PDE4D: variants seen among roughly 807,000 people sequenced by gnomAD.
PDE4D encodes the protein 3',5'-cyclic-AMP phosphodiesterase 4D.
PDE4D carries 24 observed loss-of-function variants against 87.4 expected under a neutral mutation model. The observed-to-expected ratio is 0.27, with a 90% CI of 0.20 to 0.39. PDE4D has a LOEUF of 0.39. Ranked by LOEUF, PDE4D falls within the 10% of genes least tolerant of loss-of-function variation. The pLI, the probability that PDE4D is intolerant of heterozygous loss-of-function variation, is 1.00. For missense variants in PDE4D, 714 were observed against 1,041.0 expected, an observed-to-expected ratio of 0.69 and a Z score of 4.32; for synonymous variants, 384 against 383.2, an observed-to-expected ratio of 1.00 and a Z score of -0.02.
intron 1 of PDE4D, among the ~76,000 whole-genome samples, chr5:59,404,250 T>G (rs976583083): frequency 2.0e-5 from 3 of 152,216 alleles, no homozygotes; most frequent in African/African-American, 7.2e-5. Flanking sequence ...ATTCTGTGGG[T>G]TGTCTCCTCA....
At chr5:60,392,784 A>T (rs1220315556) in intron 1 of PDE4D, among the ~76,000 whole-genome samples, 2 of 152,196 alleles carry the variant, frequency 1.3e-5, no homozygotes, top group Non-Finnish European at 2.9e-5. Context: ...TTAAAAAAAA[A>T]TTTAAGCAAA....
At chr5:60,072,526 A>AT (rs913955945) in intron 2 of PDE4D, among the ~76,000 whole-genome samples, 20 of 151,710 alleles carry the variant, frequency 1.3e-4, no homozygotes, top group Admixed American at 6.6e-5. Context: ...CCCATTTATC[A>AT]TTTTTTTGCT....
intron 8 of PDE4D, among the ~76,000 whole-genome samples, chr5:58,991,307 C>G (rs1351518871): frequency 6.6e-6 from 1 of 151,944 alleles, no homozygotes; most frequent in Non-Finnish European, 1.5e-5. Context: ...CAAAACAAAA[C>G]AAAACAAAAC....
chr5:59,809,733 T>C (rs1041190252), intron 1 of PDE4D, among the ~76,000 whole-genome samples: 2 of 152,100 alleles, frequency 1.3e-5, no homozygotes, highest in African/African-American at 4.8e-5. Context: ...TACTTTATTT[T>C]CCCCCATTGA....
intron 1 of PDE4D, among the ~76,000 whole-genome samples, chr5:59,744,548 C>T (rs1759327538): frequency 6.6e-6 from 1 of 152,088 alleles, no homozygotes; most frequent in Non-Finnish European, 1.5e-5. Flanking sequence ...ATATAGAACT[C>T]ATCATGAGGT....
intron 1 of PDE4D, among the ~76,000 whole-genome samples, chr5:59,852,617 T>C: frequency 6.6e-6 from 1 of 152,078 alleles, no homozygotes; most frequent in East Asian, 1.9e-4. Flanking sequence ...TCAGCTATAA[T>C]CACCCAGCTA....
At chr5:60,044,726 G>C (rs1166997288) in intron 2 of PDE4D, among the ~76,000 whole-genome samples, 1 of 152,146 alleles carries the variant, frequency 6.6e-6, no homozygotes, top group African/African-American at 2.4e-5. Context: ...AGTATTGCAT[G>C]GTGTATATGT....
intron 5 of PDE4D, among the ~76,000 whole-genome samples, chr5:59,155,602 G>A (rs141645895): frequency 1.5e-3 from 228 of 152,286 alleles, no homozygotes; most frequent in African/African-American, 5.3e-3. Flanking sequence ...GAACTTTGCT[G>A]TGGTTTGCTG....
intron 2 of PDE4D, among the ~76,000 whole-genome samples, chr5:60,123,624 G>A (rs534089311): frequency 6.6e-6 from 1 of 151,594 alleles, no homozygotes; most frequent in Admixed American, 6.6e-5. Flanking sequence ...ATTTGGGTGG[G>A]GACACAGAGC....
At chr5:59,930,141 CA>C (rs1174591059) in intron 3 of PDE4D, among the ~76,000 whole-genome samples, 1 of 105,012 alleles carries the variant, frequency 9.5e-6, no homozygotes, top group East Asian at 3.3e-4. Flanking sequence ...CCAGTCTGGG[CA>C]ACAGAGCGAG....
intron 5 of PDE4D, among the ~76,000 whole-genome samples, chr5:59,155,467 A>G (rs1780032483): frequency 6.6e-6 from 1 of 152,224 alleles, no homozygotes; most frequent in Non-Finnish European, 1.5e-5. Flanking sequence ...GGGCAGCTGG[A>G]ACAGAGGTGT....
intron 3 of PDE4D, among the ~76,000 whole-genome samples, chr5:59,966,058 A>G (rs965421602): frequency 6.6e-6 from 1 of 152,144 alleles, no homozygotes; most frequent in East Asian, 1.9e-4. Flanking sequence ...AGGCCCTTGG[A>G]GCCCTCACAA....
At chr5:59,290,472 C>T (rs928034561) in intron 1 of PDE4D, among the ~76,000 whole-genome samples, 19 of 152,096 alleles carry the variant, frequency 1.2e-4, no homozygotes, top group Non-Finnish European at 1.2e-4. Context: ...TATGAAACTA[C>T]TAAAAGAAAA....
At chr5:60,120,350 G>T (rs1243732235) in intron 2 of PDE4D, among the ~76,000 whole-genome samples, 1 of 152,170 alleles carries the variant, frequency 6.6e-6, no homozygotes, top group Non-Finnish European at 1.5e-5. Flanking sequence ...TATGGAGGAT[G>T]CTTACCATGT....
intron 1 of PDE4D, among the ~76,000 whole-genome samples, chr5:59,334,433 A>T (rs901934255): frequency 6.6e-6 from 1 of 151,442 alleles, no homozygotes; most frequent in African/African-American, 2.4e-5. Context: ...TAATTTTTGT[A>T]TTTTTATAGA....
At chr5:60,515,584 TCTTTC>T (rs1162489232) in intron 1 of PDE4D, among the ~76,000 whole-genome samples, 8 of 143,136 alleles carry the variant, frequency 5.6e-5, no homozygotes, top group African/African-American at 2.1e-4. Flanking sequence ...ATCTGAGCTT[TCTTTC>T]CTTTTCTTTT....
rs76303971 is a variant in PDE4D at position 60,003,756 on chromosome 5, G to A, written c.43-15039C>T. On this transcript the variant is annotated intron_variant, in intron 2 of 16. Transcript: ENST00000502484. ...GAAGAAGAAGAACAAAGTTGGAAGC[G>A]TCATACTCCCTAATTCCAAACTATA... 2.3e-4 allele frequency among the ~76,000 whole-genome samples: 34 copies of A among 149,626 alleles called. No individual in the cohort carries two copies. In the East Asian group the frequency reaches 5.4e-3, roughly 24 times the overall value.
At chr5:59,090,790 GT>G (rs1226560617) in intron 5 of PDE4D, among the ~76,000 whole-genome samples, 28 of 124,448 alleles carry the variant, frequency 2.2e-4, no homozygotes, top group East Asian at 1.7e-3. Context: ...CAGTAGCCAT[GT>G]TTTTTTTTTC....
At chr5:59,393,151 C>G (rs1788579061) in intron 1 of PDE4D, among the ~76,000 whole-genome samples, 1 of 151,946 alleles carries the variant, frequency 6.6e-6, no homozygotes, top group Admixed American at 6.6e-5. Flanking sequence ...GGACAAAAAT[C>G]AAAAGACCTA....
Sources: gnomAD v4.1 joint callset for allele counts (sites outside exome capture counted in the v4.1 genomes callset) on GRCh38, gnomAD v4.1.1 for gene constraint, MANE v1.5 for transcripts, NCBI Gene and HGNC (gene_info 2026-07-23, HGNC 2026-07-21) for gene names.